LARP4: variants seen among roughly 807,000 people sequenced by gnomAD.
The protein encoded by LARP4 is La ribonucleoprotein 4.
In LARP4, 29 loss-of-function variants were observed where a neutral mutation model predicts 92.9. The ratio of observed to expected loss-of-function variants is 0.31; its 90% CI spans 0.23 to 0.43. The LOEUF (loss-of-function observed/expected upper bound fraction) is 0.43, where lower values mean the gene tolerates loss of function less well. Ranked by LOEUF, LARP4 falls within the 20% of genes least tolerant of loss-of-function variation. The probability of loss-of-function intolerance (pLI) is 1.00; values close to 1 mark genes in which losing one functional copy is unlikely to be tolerated. For synonymous variants in LARP4, 279 were observed against 284.1 expected (o/e 0.98, Z 0.18); for missense variants, 732 against 860.0 (o/e 0.85, Z 1.86).
At position 50,435,605 on chromosome 12, in the gene LARP4, A is replaced by G; in HGVS notation, c.516A>G (p.Leu172=). The change falls in exon 5 of 16, where the codon CTA becomes CTG. Residue 172 remains leucine, a synonymous_variant. Transcript: ENST00000398473. ...EIKKLTTDPD[L]ILEVLRSSPM... is the part of the protein sequence containing the mutation. ...AAAAGTTGACTACAGACCCTGATCT[A>G]ATTCTTGAAGTGTTAAGATGTATGT... 1.2e-6 allele frequency: 2 copies of G among 1,602,508 alleles called. No homozygotes were observed. The highest frequency in any genetic ancestry group is 1.7e-6 in the Non-Finnish European group (2 of 1,173,146).
At chr12:50,451,748 A>G (rs1172715360) in intron 8 of LARP4, among the ~76,000 whole-genome samples, 1 of 152,116 alleles carries the variant, frequency 6.6e-6, no homozygotes, top group Non-Finnish European at 1.5e-5. Flanking sequence ...GAGGCAGGAT[A>G]ATTGCTAGAA....
At chr12:50,457,011 C>A (rs1008885346) in intron 10 of LARP4, among the ~76,000 whole-genome samples, 6 of 152,058 alleles carry the variant, frequency 3.9e-5, no homozygotes, top group South Asian at 4.1e-4. Flanking sequence ...TTCCCGAGTT[C>A]AAGCAATTCT....
chr12:50,427,993 CTTTTTTTT>C (rs781256448), intron 2 of LARP4, 84 bp downstream of exon 2: 2 of 306,168 alleles, frequency 6.5e-6, no homozygotes, highest in Non-Finnish European at 5.3e-6. Context: ...AGACACATCT[CTTTTTTTT>C]TTTTTTTTTT....
chr12:50,405,874 A>T (rs764432983), intron 1 of LARP4, among the ~76,000 whole-genome samples: 3 of 152,198 alleles, frequency 2.0e-5, no homozygotes, highest in Non-Finnish European at 4.4e-5. Context: ...ACCTATGCAC[A>T]TCTTTGTGTA....
intron 10 of LARP4, among the ~76,000 whole-genome samples, chr12:50,459,279 G>T (rs1773471485): frequency 6.6e-6 from 1 of 152,006 alleles, no homozygotes; most frequent in Non-Finnish European, 1.5e-5. Context: ...GATTACAGGC[G>T]TGAGCCACCA....
chr12:50,473,292 G>A, intron 13 of LARP4, 123 bp from the exon 14 acceptor site: 1 of 654,606 alleles, frequency 1.5e-6, no homozygotes, highest in Non-Finnish European at 2.7e-6. Flanking sequence ...TTTTCACCGT[G>A]GTTTAGCTTT....
intron 1 of LARP4, among the ~76,000 whole-genome samples, chr12:50,417,254 T>C (rs796663263): frequency 2.0e-5 from 3 of 151,826 alleles, no homozygotes; most frequent in African/African-American, 7.2e-5. Context: ...TGGGCGCATG[T>C]AATCCGAGCT....
chr12:50,413,740 GGT>G (rs1946309481), intron 1 of LARP4, among the ~76,000 whole-genome samples: 1 of 152,146 alleles, frequency 6.6e-6, no homozygotes, highest in African/African-American at 2.4e-5. Context: ...TGTACAAAGT[GGT>G]CCTGTGAAGT....
At chr12:50,401,347 TGGG>T (rs973930447) in intron 1 of LARP4, 1 of 304,450 alleles carries the variant, frequency 3.3e-6, no homozygotes, top group Non-Finnish European at 6.2e-6. Flanking sequence ...ATTGGGGGGT[TGGG>T]GGGCGGAGTC....
At chr12:50,460,378 A>G (rs1185308644) in intron 10 of LARP4, among the ~76,000 whole-genome samples, 1 of 152,134 alleles carries the variant, frequency 6.6e-6, no homozygotes, top group Non-Finnish European at 1.5e-5. Flanking sequence ...CCTGTGCATG[A>G]ATTCAGTTGT....
chr12:50,464,815 C>A (rs183136080), intron 12 of LARP4, among the ~76,000 whole-genome samples: 1 of 151,638 alleles, frequency 6.6e-6, no homozygotes, highest in Non-Finnish European at 1.5e-5. Flanking sequence ...CTCAGTCTCC[C>A]AAGTAGCTGG....
At chr12:50,436,511 TA>T (rs1441781191) in intron 5 of LARP4, among the ~76,000 whole-genome samples, 1 of 152,226 alleles carries the variant, frequency 6.6e-6, no homozygotes, top group African/African-American at 2.4e-5. Context: ...ATATACACCA[TA>T]TACCTACACC....
intron 8 of LARP4, among the ~76,000 whole-genome samples, chr12:50,450,683 G>T (rs1167394110): frequency 3.3e-5 from 5 of 152,034 alleles, no homozygotes; most frequent in Non-Finnish European, 1.5e-5. Flanking sequence ...TATTTTTTTA[G>T]TAGAGATGGG....
At chr12:50,408,499 A>G (rs1316805499) in intron 1 of LARP4, among the ~76,000 whole-genome samples, 2 of 152,026 alleles carry the variant, frequency 1.3e-5, no homozygotes, top group Non-Finnish European at 2.9e-5. Flanking sequence ...ACCCGGCGAG[A>G]AAAGGATTTC....
At position 50,430,693 on chromosome 12, in the gene LARP4, ATGT is replaced by A. The variant is rs150563213; in HGVS notation, c.398+127_398+129del. On this transcript the variant is annotated intron_variant, in intron 4 of 15. Transcript: ENST00000398473. ...TTTTATTTTCTTGAGACAGAGTCTC[ATGT>A]TGTCGCTGGGCTGGAGTGCAGTGGT... 2,055 of 566,908 alleles carry A rather than the reference ATGT, an allele frequency of 3.6e-3. 36 individuals are homozygous for A. The highest frequency in any genetic ancestry group is 0.036 in the African/African-American group (1,864 of 52,016). The allele number at this position is 566,908 out of a possible 1,614,324, so 35.1% of individuals were successfully genotyped here. A position where few individuals can be genotyped will look rare whatever the true frequency, so the allele number is the denominator to read the frequency against.
At chr12:50,409,729 C>T (rs1053854137) in intron 1 of LARP4, among the ~76,000 whole-genome samples, 1 of 150,534 alleles carries the variant, frequency 6.6e-6, no homozygotes, top group African/African-American at 2.4e-5. Context: ...TGTGCCACTG[C>T]ACTCCAGCCT....
At chr12:50,466,674 G>A (rs1008728964) in intron 12 of LARP4, among the ~76,000 whole-genome samples, 2 of 152,062 alleles carry the variant, frequency 1.3e-5, no homozygotes, top group African/African-American at 4.8e-5. Context: ...AGAAGGCATA[G>A]CAAATTATGA....
At chr12:50,454,500 G>A in intron 10 of LARP4, 83 bp downstream of exon 10, 1 of 1,026,624 alleles carries the variant, frequency 9.7e-7, no homozygotes, top group Non-Finnish European at 1.5e-6. Context: ...TTGTTGTCAG[G>A]CTCAGTAATA....
intron 1 of LARP4, among the ~76,000 whole-genome samples, chr12:50,426,684 G>GGGGGT (rs774548049): frequency 1.4e-4 from 12 of 86,174 alleles, no homozygotes; most frequent in African/African-American, 6.0e-4. Context: ...TTATGTTTGG[G>GGGGGT]GTGTGTGTGT....
Sources: allele counts gnomAD v4.1 joint callset (sites outside exome capture counted in the v4.1 genomes callset), GRCh38; gene constraint gnomAD v4.1.1; transcripts MANE v1.5; gene names NCBI Gene and HGNC (gene_info 2026-07-23, HGNC 2026-07-21).